GABRG3: variants seen among roughly 807,000 people sequenced by gnomAD.
GABRG3 encodes the protein gamma-aminobutyric acid receptor subunit gamma-3.
A neutral mutation model predicts 48.8 loss-of-function variants in GABRG3; 25 were observed. That is an observed-to-expected ratio of 0.51 (90% CI 0.37 to 0.72). The LOEUF is 0.72. Among genes scored for constraint, GABRG3 ranks in the 30% least tolerant of loss-of-function variants. GABRG3 has a pLI of 0.00. For synonymous variants in GABRG3, 227 were observed against 217.6 expected, an observed-to-expected ratio of 1.04 and a Z score of -0.38; for missense variants, 394 against 577.9, an observed-to-expected ratio of 0.68 and a Z score of 3.26.
chr15:27,011,906 G>A (rs557861875), intron 2 of GABRG3, among the ~76,000 whole-genome samples: 30 of 151,954 alleles, frequency 2.0e-4, no homozygotes, highest in South Asian at 4.2e-4. Context: ...GAGGTGCATG[G>A]CTATTCTGTC....
intron 5 of GABRG3, among the ~76,000 whole-genome samples, chr15:27,417,414 C>A (rs1887972577): frequency 6.6e-6 from 1 of 152,198 alleles, no homozygotes; most frequent in Non-Finnish European, 1.5e-5. Context: ...CCTCCTTCTA[C>A]CCCTGTTGGT....
chr15:27,278,074 C>T (rs904059419), intron 3 of GABRG3, among the ~76,000 whole-genome samples: 3 of 149,402 alleles, frequency 2.0e-5, no homozygotes, highest in Non-Finnish European at 1.5e-5. Flanking sequence ...TTTTTTGAAA[C>T]GTAGTCTCAC....
At chr15:27,513,295 A>G (rs945086530) in intron 6 of GABRG3, among the ~76,000 whole-genome samples, 5 of 151,948 alleles carry the variant, frequency 3.3e-5, no homozygotes, top group Admixed American at 6.6e-5. Flanking sequence ...AAAAAATACA[A>G]AAACATTAGC....
chr15:26,977,773 T>C (rs1404205546), intron 2 of GABRG3, among the ~76,000 whole-genome samples: 2 of 152,202 alleles, frequency 1.3e-5, no homozygotes, highest in Non-Finnish European at 2.9e-5. Flanking sequence ...GCAAATAAAA[T>C]GACTGAGCAC....
intron 5 of GABRG3, among the ~76,000 whole-genome samples, chr15:27,464,051 T>G (rs998977289): frequency 6.6e-6 from 1 of 152,104 alleles, no homozygotes; most frequent in African/African-American, 2.4e-5. Flanking sequence ...GCACTCCGCA[T>G]TTTCATACTA....
At chr15:27,049,049 C>T (rs760102872) in intron 3 of GABRG3, among the ~76,000 whole-genome samples, 14 of 152,360 alleles carry the variant, frequency 9.2e-5, no homozygotes, top group Middle Eastern at 3.4e-3. Context: ...GAGAAAGATG[C>T]GGCTTTGCAA....
chr15:27,023,648 T>A, intron 2 of GABRG3, among the ~76,000 whole-genome samples: 1 of 152,264 alleles, frequency 6.6e-6, no homozygotes, highest in East Asian at 1.9e-4. Flanking sequence ...ATATCCTTCC[T>A]CTTTAAGGCA....
At chr15:27,397,806 T>TAAA (rs1440562665) in intron 5 of GABRG3, among the ~76,000 whole-genome samples, 1 of 147,764 alleles carries the variant, frequency 6.8e-6, no homozygotes, top group African/African-American at 2.5e-5. Context: ...TGAAAAATTT[T>TAAA]TTTTTTTTTT....
chr15:27,076,303 C>T (rs1471568825), intron 3 of GABRG3, among the ~76,000 whole-genome samples: 16 of 147,802 alleles, frequency 1.1e-4, no homozygotes, highest in African/African-American at 5.0e-5. Context: ...TTGCTGATGA[C>T]ATTGAGCCAA....
chr15:27,447,452 A>G lies in GABRG3; in HGVS notation c.575-33198A>G, dbSNP rs1018632121. ...AATTAGGGTTTCTTAAGGTGAATAAACCTGAAGTGTCCAAGTGGGGGAGAT... is the reference window on the plus strand; with the variant it reads ...AATTAGGGTTTCTTAAGGTGAATAAGCCTGAAGTGTCCAAGTGGGGGAGAT... On this transcript the variant is annotated intron_variant, in intron 5 of 9. Transcript: ENST00000615808. The surrounding 1 kb of genome is among the most constrained non-coding windows in gnomAD (Gnocchi z 4.0). 2.6e-5 allele frequency among the ~76,000 whole-genome samples: 4 copies of G among 152,142 alleles called. No individual in the cohort carries two copies. The highest frequency in any genetic ancestry group is 2.6e-4 in the Admixed American group (4 of 15,270).
chr15:27,374,065 G>T (rs575296378), intron 5 of GABRG3, among the ~76,000 whole-genome samples: 1 of 150,172 alleles, frequency 6.7e-6, no homozygotes, highest in South Asian at 2.1e-4. Context: ...TTTTATAAAT[G>T]CAATTCTAAT....
chr15:27,153,584 C>T (rs140305432), intron 3 of GABRG3, among the ~76,000 whole-genome samples: 104 of 152,212 alleles, frequency 6.8e-4, no homozygotes, highest in African/African-American at 2.1e-3. Flanking sequence ...GACATCTTTA[C>T]GATGTTTAAT....
chr15:27,265,441 A>AT (rs1198348094), intron 3 of GABRG3, among the ~76,000 whole-genome samples: 1 of 152,188 alleles, frequency 6.6e-6, no homozygotes, highest in Admixed American at 6.5e-5. Flanking sequence ...CTAAATACTC[A>AT]TTTTTCCTTA....
intron 3 of GABRG3, among the ~76,000 whole-genome samples, chr15:27,135,484 T>C (rs147198765): frequency 2.6e-5 from 4 of 152,300 alleles, no homozygotes; most frequent in Non-Finnish European, 5.9e-5. Flanking sequence ...CAGTACTTAG[T>C]GTAGATATTT....
At chr15:27,475,499 C>T (rs577934283) in intron 5 of GABRG3, among the ~76,000 whole-genome samples, 3 of 150,854 alleles carry the variant, frequency 2.0e-5, no homozygotes, top group South Asian at 2.1e-4. Flanking sequence ...GTGATGGTGA[C>T]GATGATATTG....
At chr15:27,123,010 G>A (rs549255645) in intron 3 of GABRG3, among the ~76,000 whole-genome samples, 7 of 152,304 alleles carry the variant, frequency 4.6e-5, no homozygotes, top group African/African-American at 1.7e-4. Flanking sequence ...GGCTGGCAGT[G>A]ATGGTGTGGA....
chr15:27,282,551 T>C (rs761459905), intron 3 of GABRG3, among the ~76,000 whole-genome samples: 19 of 152,336 alleles, frequency 1.2e-4, no homozygotes, highest in Non-Finnish European at 2.2e-4. Context: ...GTTCTAACAT[T>C]TCCATTTGGT....
At chr15:27,303,573 C>A (rs901706630) in intron 3 of GABRG3, among the ~76,000 whole-genome samples, 2 of 151,718 alleles carry the variant, frequency 1.3e-5, no homozygotes, top group Non-Finnish European at 2.9e-5. Flanking sequence ...TTCCATAGAA[C>A]CTTTTCTAGA....
chr15:26,977,629 T>G (rs905117369), intron 2 of GABRG3, among the ~76,000 whole-genome samples: 1 of 152,244 alleles, frequency 6.6e-6, no homozygotes, highest in African/African-American at 2.4e-5. Context: ...TTGAGATTCA[T>G]TCAAGTTGTT....
Sources: gnomAD v4.1 joint callset for allele counts (sites outside exome capture counted in the v4.1 genomes callset) on GRCh38, gnomAD v4.1.1 for gene constraint, Gnocchi (gnomAD v3.1) non-coding constraint, MANE v1.5 for transcripts, NCBI Gene and HGNC (gene_info 2026-07-23, HGNC 2026-07-21) for gene names.